Variants in TSHZ1 observed in about 807,000 individuals in gnomAD.
TSHZ1 encodes teashirt homolog 1.
A neutral mutation model predicts 67.1 loss-of-function variants in TSHZ1; 12 were observed. The observed-to-expected ratio is 0.18, with a 90% confidence interval of 0.11 to 0.29. The LOEUF is 0.29. Among genes scored for constraint, TSHZ1 ranks in the 10% least tolerant of loss-of-function variants. The pLI, the probability that TSHZ1 is intolerant of heterozygous loss-of-function variation, is 1.00. For missense variants in TSHZ1, 1,305 were observed against 1,413.9 expected (o/e 0.92, Z 1.23); for synonymous variants, 632 against 622.4 (o/e 1.02, Z -0.23).
intron 1 of TSHZ1, among the ~76,000 whole-genome samples, chr18:75,236,346 G>A (rs9966685): frequency 0.019 from 2,924 of 152,168 alleles, 88 homozygotes; most frequent in African/African-American, 0.065. Flanking sequence ...TTGTAGCTGC[G>A]TCTTCCCCGT....
At chr18:75,271,260 A>G (rs936389498) in intron 1 of TSHZ1, among the ~76,000 whole-genome samples, 8 of 152,202 alleles carry the variant, frequency 5.3e-5, no homozygotes, top group African/African-American at 1.9e-4. Context: ...AATGACTAGC[A>G]TAAGGGCCCT....
chr18:75,232,198 C>T (rs547986291), intron 1 of TSHZ1, among the ~76,000 whole-genome samples: 1 of 152,310 alleles, frequency 6.6e-6, no homozygotes, highest in South Asian at 2.1e-4. Context: ...CAGGCGTGAG[C>T]CACTGCGCCC....
At chr18:75,239,174 C>A (rs373651513) in intron 1 of TSHZ1, among the ~76,000 whole-genome samples, 2 of 152,250 alleles carry the variant, frequency 1.3e-5, no homozygotes, top group African/African-American at 4.8e-5. Context: ...CTGGAAGGGC[C>A]AGCGCAGGCC....
chr18:75,274,684 G>T (rs1431899780), intron 1 of TSHZ1, among the ~76,000 whole-genome samples: 1 of 152,124 alleles, frequency 6.6e-6, no homozygotes, highest in Non-Finnish European at 1.5e-5. Context: ...CTTGTAAGTT[G>T]TTATGTCTCT....
intron 1 of TSHZ1, among the ~76,000 whole-genome samples, chr18:75,228,461 T>A (rs1212857803): frequency 6.6e-6 from 1 of 152,212 alleles, no homozygotes; most frequent in Non-Finnish European, 1.5e-5. Flanking sequence ...ATGCTATTTA[T>A]TTGAAGCCAG....
chr18:75,263,731 A>G (rs2122585330), intron 1 of TSHZ1, among the ~76,000 whole-genome samples: 1 of 152,372 alleles, frequency 6.6e-6, no homozygotes, highest in South Asian at 2.1e-4. Flanking sequence ...GAGCTGATTT[A>G]CATATGGATG....
intron 1 of TSHZ1, chr18:75,280,754 A>G: frequency 6.1e-6 from 6 of 985,480 alleles, no homozygotes; most frequent in Non-Finnish European, 7.2e-6. Context: ...CCAGAGGCGC[A>G]GGAGCCTGTG....
At chr18:75,258,215 T>C (rs535556148) in intron 1 of TSHZ1, among the ~76,000 whole-genome samples, 1 of 152,312 alleles carries the variant, frequency 6.6e-6, no homozygotes, top group Admixed American at 6.5e-5. Context: ...TTGGATGTGT[T>C]GATGGAGTGC....
chr18:75,272,386 G>A (rs2023569308), intron 1 of TSHZ1, among the ~76,000 whole-genome samples: 1 of 152,158 alleles, frequency 6.6e-6, no homozygotes. Context: ...CCTCTGATGG[G>A]CTGCCTGCCA....
chr18:75,242,992 G>A (rs184748812), intron 1 of TSHZ1, among the ~76,000 whole-genome samples: 6 of 152,258 alleles, frequency 3.9e-5, no homozygotes, highest in Admixed American at 2.0e-4. Flanking sequence ...GCACACACTG[G>A]GGGTGCTGTG....
intron 1 of TSHZ1, among the ~76,000 whole-genome samples, chr18:75,217,382 GT>G (rs139184741): frequency 6.7e-5 from 10 of 149,564 alleles, no homozygotes; most frequent in South Asian, 2.1e-4. Flanking sequence ...TCCTCCAAGG[GT>G]TTTTTTTTTC....
rs551272393 is a variant in TSHZ1 at position 75,242,978 on chromosome 18, A to G, written c.40+31062A>G. Among the ~76,000 whole-genome samples the G allele has an allele frequency of 5.3e-5, 8 of 152,282 alleles. No individual in the cohort carries two copies. In the East Asian group the frequency reaches 1.5e-3, roughly 29 times the overall value. ...CCTGCATGTCACTCTGCTGTCCCTG[A>G]GGTGCACACACTGGGGGTGCTGTGG... On this transcript the variant is annotated intron_variant, in intron 1 of 1. Coordinates refer to ENST00000580243, the MANE Select transcript of TSHZ1 (RefSeq NM_001308210.2).
chr18:75,263,916 G>C (rs144582567), intron 1 of TSHZ1, among the ~76,000 whole-genome samples: 2 of 152,348 alleles, frequency 1.3e-5, no homozygotes, highest in African/African-American at 4.8e-5. Flanking sequence ...AGGCATCTAA[G>C]ATGCTTTTCA....
chr18:75,243,325 C>G (rs1162069949), intron 1 of TSHZ1, among the ~76,000 whole-genome samples: 1 of 152,218 alleles, frequency 6.6e-6, no homozygotes, highest in Non-Finnish European at 1.5e-5. Flanking sequence ...AGGCATTCTA[C>G]TGGACATTTT....
intron 1 of TSHZ1, among the ~76,000 whole-genome samples, chr18:75,239,293 G>GTTTTA (rs1303186928): frequency 1.3e-5 from 2 of 152,166 alleles, no homozygotes; most frequent in South Asian, 2.1e-4. Flanking sequence ...TGTATTAATG[G>GTTTTA]TTTTATTTTA....
Position 75,286,670 on chromosome 18 carries a change from T to C in TSHZ1, c.1263T>C (p.Cys421=). 6.2e-7 allele frequency: 1 copy of C among 1,614,162 alleles called. No individual in the cohort carries two copies. The highest frequency in any genetic ancestry group is 8.5e-7 in the Non-Finnish European group (1 of 1,180,020). The part of the protein sequence containing the change: ...RKAQILKCME[C]GSSHDTLQQL... ...CGCAGATCCTCAAGTGCATGGAGTG[T>C]GGCAGCTCCCACGACACGCTGCAGC... Residue 421 remains cysteine, a synonymous_variant, in exon 2 of 2, where the codon TGT becomes TGC. Transcript: ENST00000580243. This position sits in a 1 kb window ranked among gnomAD's most constrained non-coding sequence, Gnocchi z 5.1.
intron 1 of TSHZ1, among the ~76,000 whole-genome samples, chr18:75,260,719 C>T (rs1456349109): frequency 6.6e-6 from 1 of 152,134 alleles, no homozygotes; most frequent in Non-Finnish European, 1.5e-5. Flanking sequence ...CTGGATGCTC[C>T]TCAGTTTTGC....
intron 1 of TSHZ1, among the ~76,000 whole-genome samples, chr18:75,252,872 A>G (rs1013558481): frequency 6.6e-6 from 1 of 151,722 alleles, no homozygotes; most frequent in Non-Finnish European, 1.5e-5. Flanking sequence ...ATAGCTTTCT[A>G]CCCACCCCCT....
chr18:75,211,928 G>T lies in TSHZ1; in HGVS notation c.40+12G>T. On this transcript the variant is annotated intron_variant, in intron 1 of 1. Transcript: ENST00000580243. The stretch of plus-strand genomic sequence containing the variant: ...CCGGCGCTCGGCAGGTAACGGGCGC[G>T]CGGCCCGCGCCGCGGGGAGTGGGCG... 8.3e-7 allele frequency: 1 copy of T among 1,202,266 alleles called. No homozygotes were observed. The highest frequency in any genetic ancestry group is 1.0e-6 in the Non-Finnish European group (1 of 969,016). 74.5% of individuals were successfully genotyped at this position (1,202,266 alleles called of 1,614,324 possible).
Sources: gnomAD v4.1 joint callset for allele counts (sites outside exome capture counted in the v4.1 genomes callset) on GRCh38, gnomAD v4.1.1 for gene constraint, Gnocchi (gnomAD v3.1) non-coding constraint, MANE v1.5 for transcripts, NCBI Gene and HGNC (gene_info 2026-07-23, HGNC 2026-07-21) for gene names.